Variants in TRAF3IP1 observed in about 807,000 individuals in gnomAD.
TRAF3IP1 encodes intraflagellar transport 54.
TRAF3IP1 carries 53 observed loss-of-function variants against 89.9 expected under a neutral mutation model. The ratio of observed to expected loss-of-function variants is 0.59; its 90% CI spans 0.47 to 0.74. TRAF3IP1 has a LOEUF of 0.74. TRAF3IP1 is among the 30% of genes least tolerant of loss of function. The pLI is 0.00. For missense variants in TRAF3IP1, 806 were observed against 866.1 expected, an observed-to-expected ratio of 0.93 and a Z score of 0.87; for synonymous variants, 311 against 322.1, an observed-to-expected ratio of 0.97 and a Z score of 0.37.
chr2:238,376,174 G>A (rs887295163), intron 15 of TRAF3IP1, among the ~76,000 whole-genome samples: 1 of 152,302 alleles, frequency 6.6e-6, no homozygotes, highest in South Asian at 2.1e-4. Flanking sequence ...AGCGTGGCTG[G>A]TTTCCAATAG....
intron 10 of TRAF3IP1, 118 bp downstream of exon 10, chr2:238,347,593 A>G: frequency 1.0e-6 from 1 of 976,788 alleles, no homozygotes. Flanking sequence ...AACTTATTTT[A>G]TGGAAAAAGA....
chr2:238,372,655 G>C (rs1203024422), intron 15 of TRAF3IP1, among the ~76,000 whole-genome samples: 2 of 152,176 alleles, frequency 1.3e-5, no homozygotes, highest in Admixed American at 1.3e-4. Context: ...CCAGTAATGG[G>C]ATTGCTGGGT....
In TRAF3IP1 at chr2:238,332,930, A is replaced by G. The variant is rs116015585; in HGVS notation, c.987+35A>G. The G allele has an allele frequency of 1.4e-3, 2,183 of 1,507,308 alleles. 28 individuals carry two copies. In the African/African-American group the frequency reaches 0.027, roughly 18 times the overall value. 93.4% of individuals were successfully genotyped at this position (1,507,308 alleles called of 1,614,324 possible). On this transcript the variant is annotated intron_variant, in intron 6 of 16. Transcript: ENST00000373327. ...AAAAAATAACTTTTAAGAGATGTCA[A>G]CTTGTAGCTGTGTTGAAATAGTGAA...
At chr2:238,353,521 G>A (rs894379657) in intron 14 of TRAF3IP1, among the ~76,000 whole-genome samples, 1 of 152,184 alleles carries the variant, frequency 6.6e-6, no homozygotes, top group African/African-American at 2.4e-5. Flanking sequence ...GATGATCTCT[G>A]AGGCCCTTTG....
intron 5 of TRAF3IP1, among the ~76,000 whole-genome samples, chr2:238,330,368 C>T (rs1698059847): frequency 6.6e-6 from 1 of 152,194 alleles, no homozygotes; most frequent in South Asian, 2.1e-4. Flanking sequence ...TCTTTCTGGA[C>T]CCACCATGTG....
At chr2:238,356,592 AG>A (rs964285743) in intron 15 of TRAF3IP1, among the ~76,000 whole-genome samples, 5 of 152,062 alleles carry the variant, frequency 3.3e-5, no homozygotes, top group Admixed American at 2.0e-4. Context: ...CCTGGTATCC[AG>A]CCCCGTCTTG....
intron 12 of TRAF3IP1, among the ~76,000 whole-genome samples, chr2:238,350,529 T>G (rs1353334396): frequency 6.6e-6 from 1 of 152,136 alleles, no homozygotes; most frequent in African/African-American, 2.4e-5. Context: ...GTGAAGAGAC[T>G]GGAGCAGAGG....
chr2:238,395,031 G>T (rs866033908), intron 15 of TRAF3IP1, among the ~76,000 whole-genome samples: 2 of 152,144 alleles, frequency 1.3e-5, no homozygotes, highest in African/African-American at 4.8e-5. Context: ...GCCCCTTACC[G>T]GTCTGGAGTG....
chr2:238,362,542 T>C (rs1699706388), intron 15 of TRAF3IP1, among the ~76,000 whole-genome samples: 1 of 152,146 alleles, frequency 6.6e-6, no homozygotes, highest in East Asian at 1.9e-4. Flanking sequence ...AGCTTCAGCT[T>C]CCAGCCAGCA....
intron 15 of TRAF3IP1, among the ~76,000 whole-genome samples, chr2:238,386,311 A>AT (rs1362758530): frequency 6.6e-6 from 1 of 151,930 alleles, no homozygotes; most frequent in Non-Finnish European, 1.5e-5. Flanking sequence ...ACTCTTAAAC[A>AT]TTTTTTTATT....
At chr2:238,381,111 G>GTTT in intron 15 of TRAF3IP1, among the ~76,000 whole-genome samples, 1 of 136,848 alleles carries the variant, frequency 7.3e-6, no homozygotes, top group Middle Eastern at 3.7e-3. Context: ...GGATGCTTGG[G>GTTT]TTTTTTTTTT....
Position 238,341,546 on chromosome 2 carries a change from TAA to T in TRAF3IP1, c.1160-2942_1160-2941del, listed in dbSNP as rs75778043. 5.8e-3 allele frequency among the ~76,000 whole-genome samples: 794 copies of T among 137,546 alleles called. 9 individuals are homozygous for T. Among genetic ancestry groups the T allele is most frequent in the African/African-American group, 0.017 (645 of 37,230 alleles). The allele number at this position is 137,546 out of a possible 152,430, so 90.2% of individuals were successfully genotyped here. On this transcript the variant is annotated intron_variant, in intron 8 of 16. Transcript: ENST00000373327. ...GTTTTTCTATTCTTTTTTTTTTTTTTAAAAAAAAAACACTGGCTATTTGATGA... is the reference window on the plus strand; with the variant it reads ...GTTTTTCTATTCTTTTTTTTTTTTTTAAAAAAAACACTGGCTATTTGATGA...
chr2:238,320,755 G>A lies in TRAF3IP1; in HGVS notation c.93G>A (p.Pro31=), dbSNP rs758608986. 3.8e-5 allele frequency: 55 copies of A among 1,438,248 alleles called. No individual in the cohort carries two copies. Among genetic ancestry groups the A allele is most frequent in the Non-Finnish European group, 3.7e-5 (40 of 1,083,210 alleles). 89.1% of individuals were successfully genotyped at this position (1,438,248 alleles called of 1,614,324 possible). ...CCGAGAAGCTGCTGAGCAAGCCCCC[G>A]TTCCGCTACCTGCACGACATCATCA... ...PLTEKLLSKP[P]FRYLHDIITE... The change falls in exon 1 of 17, where the codon CCG becomes CCA. Residue 31 remains proline, a synonymous_variant. Coordinates refer to ENST00000373327, the MANE Select transcript of TRAF3IP1 (RefSeq NM_015650.4).
intron 15 of TRAF3IP1, among the ~76,000 whole-genome samples, chr2:238,372,429 C>T (rs537095751): frequency 1.7e-4 from 26 of 152,274 alleles, no homozygotes; most frequent in African/African-American, 5.8e-4. Context: ...TGGTTTCCAG[C>T]TTCATCCATG....
chr2:238,360,251 A>G (rs998562950), intron 15 of TRAF3IP1, among the ~76,000 whole-genome samples: 4 of 152,216 alleles, frequency 2.6e-5, no homozygotes, highest in African/African-American at 9.6e-5. Flanking sequence ...AAGTGAAACT[A>G]TGGGTGGGGA....
intron 15 of TRAF3IP1, among the ~76,000 whole-genome samples, chr2:238,369,594 T>C (rs1700021288): frequency 1.3e-5 from 2 of 152,040 alleles, no homozygotes; most frequent in Non-Finnish European, 2.9e-5. Flanking sequence ...CTTTGCATCC[T>C]GGGCCGAAAC....
chr2:238,361,795 T>C (rs1699672217), intron 15 of TRAF3IP1, among the ~76,000 whole-genome samples: 1 of 148,654 alleles, frequency 6.7e-6, no homozygotes, highest in Admixed American at 6.6e-5. Flanking sequence ...TGAAAAACCT[T>C]GTTGTGATTT....
At chr2:238,389,135 G>A (rs1023129936) in intron 15 of TRAF3IP1, among the ~76,000 whole-genome samples, 4 of 152,122 alleles carry the variant, frequency 2.6e-5, no homozygotes, top group African/African-American at 4.8e-5. Flanking sequence ...ATCCAGCAGC[G>A]GGGCAGGGCA....
intron 15 of TRAF3IP1, among the ~76,000 whole-genome samples, chr2:238,371,921 T>C (rs1010880766): frequency 6.6e-6 from 1 of 152,148 alleles, no homozygotes; most frequent in Admixed American, 6.5e-5. Context: ...TTGGTATAGG[T>C]GAAATGAATT....
Sources: gnomAD v4.1 joint callset for allele counts (sites outside exome capture counted in the v4.1 genomes callset) on GRCh38, gnomAD v4.1.1 for gene constraint, MANE v1.5 for transcripts, NCBI Gene and HGNC (gene_info 2026-07-23, HGNC 2026-07-21) for gene names.